Variants in SND1 observed in about 807,000 individuals in gnomAD.
The protein encoded by SND1 is staphylococcal nuclease domain-containing protein 1.
SND1 carries 38 observed loss-of-function variants against 121.7 expected under a neutral mutation model. That is an observed-to-expected ratio of 0.31 (90% confidence interval 0.24 to 0.41). SND1 has a LOEUF of 0.41. Ranked by LOEUF, SND1 falls within the 10% of genes least tolerant of loss-of-function variation. The pLI, the probability that SND1 is intolerant of heterozygous loss-of-function variation, is 1.00. For synonymous variants in SND1, 401 were observed against 447.4 expected (o/e 0.90, Z 1.31); for missense variants, 868 against 1,184.6 (o/e 0.73, Z 3.92).
chr7:128,080,790 G>T (rs1793586462), intron 17 of SND1, among the ~76,000 whole-genome samples: 1 of 152,090 alleles, frequency 6.6e-6, no homozygotes, highest in South Asian at 2.1e-4. Context: ...CCTGGGGTAG[G>T]ATCTGGGGCC....
At chr7:128,082,354 A>C (rs1793619680) in intron 18 of SND1, among the ~76,000 whole-genome samples, 1 of 152,234 alleles carries the variant, frequency 6.6e-6, no homozygotes, top group Non-Finnish European at 1.5e-5. Context: ...GCACTTGGGC[A>C]GTCCCCCAGA....
intron 12 of SND1, among the ~76,000 whole-genome samples, chr7:127,857,405 A>G (rs187411111): frequency 0.019 from 2,570 of 138,886 alleles, 34 homozygotes; most frequent in Non-Finnish European, 0.03. Context: ...GGGTTTCACC[A>G]TGTTGGCCAG....
intron 11 of SND1, among the ~76,000 whole-genome samples, chr7:127,813,683 G>A (rs892873628): frequency 6.6e-6 from 1 of 151,954 alleles, no homozygotes; most frequent in Non-Finnish European, 1.5e-5. Flanking sequence ...TGCCTTAGCC[G>A]CCCAAGTAGC....
chr7:127,700,550 A>G (rs768564549), intron 4 of SND1, among the ~76,000 whole-genome samples: 3 of 152,184 alleles, frequency 2.0e-5, no homozygotes, highest in Non-Finnish European at 2.9e-5. Flanking sequence ...GCCTTTTTAA[A>G]AAAACTTGAT....
chr7:127,953,911 A>G (rs1462342593), intron 15 of SND1, among the ~76,000 whole-genome samples: 1 of 152,250 alleles, frequency 6.6e-6, no homozygotes, highest in Non-Finnish European at 1.5e-5. Context: ...TTCAGCATTC[A>G]GTGTAGCTAC....
chr7:127,787,693 C>T (rs1277880614), intron 10 of SND1, among the ~76,000 whole-genome samples: 2 of 152,102 alleles, frequency 1.3e-5, no homozygotes, highest in Non-Finnish European at 2.9e-5. Flanking sequence ...TCCCTGGCTC[C>T]CAATTTGGAT....
At chr7:127,852,418 G>T (rs868165699) in intron 12 of SND1, among the ~76,000 whole-genome samples, 1 of 150,898 alleles carries the variant, frequency 6.6e-6, no homozygotes, top group African/African-American at 2.4e-5. Context: ...AACCCTGGAG[G>T]CAGAAGTTGC....
intron 14 of SND1, among the ~76,000 whole-genome samples, chr7:127,923,525 A>G (rs1313710305): frequency 1.3e-5 from 2 of 152,138 alleles, no homozygotes; most frequent in East Asian, 1.9e-4. Context: ...TTCTCAGAGT[A>G]TCCTCCCCCC....
chr7:128,030,540 G>C (rs749167036), intron 16 of SND1: 33 of 1,613,298 alleles, frequency 2.0e-5, no homozygotes, highest in Non-Finnish European at 2.5e-5. Flanking sequence ...AGCAGCGATG[G>C]CTGCACACAG....
Position 128,029,802 on chromosome 7 carries a change from G to T in SND1, c.1779+38746G>T. ...CGGGGTAAAGAGGTCATGGGGCAAA[G>T]AAGAGAGGTTATTGTGGGCCAAGTT... On this transcript the variant is annotated intron_variant, in intron 16 of 23. Coordinates refer to ENST00000354725, the MANE Select transcript of SND1 (RefSeq NM_014390.4). This position sits in a 1 kb window ranked among gnomAD's most constrained non-coding sequence, Gnocchi z 4.2. The T allele has an allele frequency of 1.2e-6, 2 of 1,613,912 alleles. No homozygotes were observed. The highest frequency in any genetic ancestry group is 1.7e-6 in the Non-Finnish European group (2 of 1,180,038).
intron 16 of SND1, among the ~76,000 whole-genome samples, chr7:128,019,572 C>T (rs1803301940): frequency 6.6e-6 from 1 of 152,200 alleles, no homozygotes; most frequent in Non-Finnish European, 1.5e-5. Context: ...TCTCTGCATT[C>T]CTCACCTCCC....
At chr7:127,961,004 C>T (rs1801718123) in intron 15 of SND1, among the ~76,000 whole-genome samples, 2 of 152,208 alleles carry the variant, frequency 1.3e-5, no homozygotes. Flanking sequence ...GTAGGCACAT[C>T]TCTGGCAGAG....
At chr7:127,689,761 C>A (rs1244477688) in intron 2 of SND1, among the ~76,000 whole-genome samples, 3 of 152,180 alleles carry the variant, frequency 2.0e-5, no homozygotes, top group African/African-American at 7.2e-5. Context: ...CAGATTTCAT[C>A]TTTTCCTAGC....
At chr7:128,044,816 A>G (rs1792918637) in intron 16 of SND1, among the ~76,000 whole-genome samples, 1 of 152,160 alleles carries the variant, frequency 6.6e-6, no homozygotes, top group Non-Finnish European at 1.5e-5. Context: ...CATATGGAGT[A>G]GAAGGAACAT....
At chr7:127,943,468 C>T (rs1486388697) in intron 15 of SND1, among the ~76,000 whole-genome samples, 1 of 152,182 alleles carries the variant, frequency 6.6e-6, no homozygotes, top group Non-Finnish European at 1.5e-5. Flanking sequence ...CATTTTGGGT[C>T]CATTGTTTGC....
chr7:127,658,165 A>T (rs1587573046), intron 1 of SND1, among the ~76,000 whole-genome samples: 2 of 152,136 alleles, frequency 1.3e-5, no homozygotes, highest in African/African-American at 2.4e-5. Context: ...TACAAAAAAA[A>T]TTAGCCAGGC....
Position 127,670,411 on chromosome 7 carries a change from C to G in SND1, c.79-16202C>G, listed in dbSNP as rs1011986190. Among the ~76,000 whole-genome samples the G allele has an allele frequency of 3.5e-4, 53 of 152,164 alleles. 1 individual carries two copies. Among genetic ancestry groups the G allele is most frequent in the Non-Finnish European group, 1.2e-4 (8 of 68,038 alleles). On this transcript the variant is annotated intron_variant, in intron 1 of 23. Coordinates refer to ENST00000354725, the MANE Select transcript of SND1 (RefSeq NM_014390.4). ...GGGATTACAGATGTGAGCCACTGCT[C>G]CTGGTTCTCAGGCATTGTTTTTGAT...
chr7:127,697,692 A>G (rs568873492), intron 3 of SND1, among the ~76,000 whole-genome samples: 1 of 152,202 alleles, frequency 6.6e-6, no homozygotes, highest in Admixed American at 6.5e-5. Context: ...TAAACTTCTC[A>G]GTTCAACTTT....
chr7:127,983,399 A>C (rs1416146237), intron 15 of SND1, among the ~76,000 whole-genome samples: 1 of 152,174 alleles, frequency 6.6e-6, no homozygotes, highest in African/African-American at 2.4e-5. Flanking sequence ...AGAGGTGTCC[A>C]TAGTTTCCTA....
Sources: allele counts gnomAD v4.1 joint callset (sites outside exome capture counted in the v4.1 genomes callset), GRCh38; gene constraint gnomAD v4.1.1; non-coding constraint Gnocchi (gnomAD v3.1); transcripts MANE v1.5; gene names NCBI Gene and HGNC (gene_info 2026-07-23, HGNC 2026-07-21).